ATXN7: variants seen among roughly 807,000 people sequenced by gnomAD.
ATXN7 encodes ataxin 7.
A neutral mutation model predicts 70.5 loss-of-function variants in ATXN7; 12 were observed. The observed-to-expected ratio is 0.17, with a 90% CI of 0.11 to 0.28. ATXN7 has a LOEUF of 0.28. Ranked by LOEUF, ATXN7 falls within the 10% of genes least tolerant of loss-of-function variation. The probability of loss-of-function intolerance (pLI) is 1.00; values close to 1 mark genes in which losing one functional copy is unlikely to be tolerated. For synonymous variants in ATXN7, 498 were observed against 448.7 expected, an observed-to-expected ratio of 1.11 and a Z score of -1.39; for missense variants, 1,256 against 1,131.7, an observed-to-expected ratio of 1.11 and a Z score of -1.58.
chr3:63,996,538 C>T (rs1157444061), intron 12 of ATXN7, 55 bp downstream of exon 12: 1 of 1,447,668 alleles, frequency 6.9e-7, no homozygotes, highest in Non-Finnish European at 9.3e-7. Flanking sequence ...CCCTTAAGAT[C>T]TTTTGTCAGC....
intron 5 of ATXN7, among the ~76,000 whole-genome samples, chr3:63,977,306 A>T (rs921605510): frequency 2.0e-5 from 3 of 152,204 alleles, no homozygotes; most frequent in African/African-American, 7.2e-5. Flanking sequence ...AGCAGAACTG[A>T]GGGTATTTAA....
intron 4 of ATXN7, among the ~76,000 whole-genome samples, chr3:63,937,545 A>G (rs2074684063): frequency 1.3e-5 from 2 of 152,224 alleles, no homozygotes; most frequent in Non-Finnish European, 2.9e-5. Context: ...ACTTACGTGA[A>G]TAGTTTTACA....
intron 5 of ATXN7, among the ~76,000 whole-genome samples, chr3:63,967,387 CTTTT>C (rs1184375661): frequency 6.6e-6 from 1 of 151,958 alleles, no homozygotes; most frequent in Non-Finnish European, 1.5e-5. Flanking sequence ...GAATAATAAA[CTTTT>C]TTTGAAAAGC....
intron 1 of ATXN7, among the ~76,000 whole-genome samples, chr3:63,891,270 A>C (rs1478925722): frequency 6.6e-6 from 1 of 151,912 alleles, no homozygotes; most frequent in African/African-American, 2.4e-5. Flanking sequence ...CAGCCTCCCA[A>C]AGTGCTGGGA....
rs746231323 is a variant in ATXN7 at position 63,982,346 on chromosome 3, C to A, written c.913C>A (p.Gln305Lys). 5.0e-6 allele frequency: 8 copies of A among 1,614,162 alleles called. No homozygotes were observed. The Admixed American group carries it at 1.3e-4, about 27-fold the overall frequency. The change falls in exon 7 of 13, where the codon CAG becomes AAG. Residue 305 changes from glutamine to lysine, a missense_variant. Gln to Lys is a moderately conservative substitution (Grantham distance 53). Transcript: ENST00000674280. The stretch of plus-strand genomic sequence containing the variant: ...AAAGCCAACCTTGCCTTCACCTGGA[C>A]AGATTCTGAATGGCAAAGGGCTTCC... ...IPKPTLPSPGQILNGKGLPAP... is the reference protein window; with the variant it reads ...IPKPTLPSPGKILNGKGLPAP...
chr3:63,891,904 CATT>C (rs1233926913), intron 1 of ATXN7, among the ~76,000 whole-genome samples: 1 of 152,170 alleles, frequency 6.6e-6, no homozygotes, highest in Non-Finnish European at 1.5e-5. Context: ...ACTGTACGAG[CATT>C]ATTAATGAAA....
At chr3:63,883,661 G>A (rs1367788490) in intron 1 of ATXN7, among the ~76,000 whole-genome samples, 3 of 152,034 alleles carry the variant, frequency 2.0e-5, no homozygotes, top group African/African-American at 7.3e-5. Flanking sequence ...ACTGCCATAA[G>A]TCATCACGAG....
intron 5 of ATXN7, among the ~76,000 whole-genome samples, chr3:63,976,309 A>G (rs767440932): frequency 3.3e-5 from 5 of 152,210 alleles, no homozygotes; most frequent in Admixed American, 6.5e-5. Flanking sequence ...GGAAAGCCAG[A>G]TGCTGTCCTT....
chr3:63,954,697 GTGTTTTTTTTTT>G (rs1412884113), intron 5 of ATXN7, among the ~76,000 whole-genome samples: 3 of 144,558 alleles, frequency 2.1e-5, no homozygotes, highest in Non-Finnish European at 4.5e-5. Context: ...GTAGGAAAAA[GTGTTTTTTTTTT>G]TGTTTTTTTT....
chr3:63,904,197 A>C (rs1703750734), intron 2 of ATXN7: 2 of 151,860 alleles, frequency 1.3e-5, no homozygotes, highest in African/African-American at 4.8e-5. Context: ...ATAATATGTG[A>C]CCTATTTGTC....
chr3:63,903,130 C>T (rs1703707451), intron 2 of ATXN7, among the ~76,000 whole-genome samples: 1 of 152,006 alleles, frequency 6.6e-6, no homozygotes, highest in Non-Finnish European at 1.5e-5. Flanking sequence ...CACGGTGGCT[C>T]ACGCCTGTAA....
chr3:63,982,429 A>G lies in ATXN7; in HGVS notation c.996A>G (p.Leu332=). 3.1e-6 allele frequency: 5 copies of G among 1,607,248 alleles called. No individual in the cohort carries two copies. The highest frequency in any genetic ancestry group is 1.7e-4 in the Middle Eastern group (1 of 6,052). ...ACAATTCCAATAATAGGAAATTTTTAAATAAGAGATTATCAGGTAACTTCA... is the reference window on the plus strand; with the variant it reads ...ACAATTCCAATAATAGGAAATTTTTGAATAAGAGATTATCAGGTAACTTCA... The part of the protein sequence containing the change: ...PEDNSNNRKF[L]NKRLSEREFD... Residue 332 remains leucine (L), a synonymous_variant, in exon 7 of 13, where the codon TTA becomes TTG. Transcript: ENST00000674280.
intron 4 of ATXN7, among the ~76,000 whole-genome samples, chr3:63,915,921 G>C (rs895502501): frequency 6.6e-6 from 1 of 151,918 alleles, no homozygotes; most frequent in Non-Finnish European, 1.5e-5. Flanking sequence ...CCTGACCTCA[G>C]GTGATCCACC....
intron 4 of ATXN7, among the ~76,000 whole-genome samples, chr3:63,939,602 G>C (rs2074721047): frequency 1.3e-5 from 2 of 152,182 alleles, no homozygotes. Context: ...AAATCAACTT[G>C]TTTAGAATTG....
At chr3:63,924,533 C>G (rs1704639717) in intron 4 of ATXN7, among the ~76,000 whole-genome samples, 1 of 152,072 alleles carries the variant, frequency 6.6e-6, no homozygotes, top group Non-Finnish European at 1.5e-5. Flanking sequence ...GAGGACTCTT[C>G]AGTGAGGCAG....
At chr3:63,895,108 G>A (rs536196222) in intron 1 of ATXN7, among the ~76,000 whole-genome samples, 4 of 152,284 alleles carry the variant, frequency 2.6e-5, no homozygotes, top group African/African-American at 4.8e-5. Flanking sequence ...AAAGCTTGGC[G>A]ATTTTGCCTA....
rs571213745 is a variant in ATXN7, at chr3:63,959,001, T to A, written c.499+6518T>A. Reference sequence around the variant, plus strand: ...ACAGATGTTCTAGCTGAAGTAGAATTTTAAGTTTGCTTCAAGAAGCTGGAT... The same window carrying A: ...ACAGATGTTCTAGCTGAAGTAGAATATTAAGTTTGCTTCAAGAAGCTGGAT... On this transcript the variant is annotated intron_variant, in intron 5 of 12. Transcript: ENST00000674280. Among the ~76,000 whole-genome samples the A allele has an allele frequency of 4.6e-5, 7 of 152,334 alleles. No homozygotes were observed. The South Asian group carries it at 1.4e-3, about 32-fold the overall frequency.
rs2075827670 is a variant in ATXN7, at chr3:64,001,001, C to CGT, written c.*1535_*1536dup. The CGT allele has an allele frequency of 6.6e-6, 1 of 152,002 alleles. No homozygotes were observed. The highest frequency in any genetic ancestry group is 1.5e-5 in the Non-Finnish European group (1 of 68,028). 9.4% of individuals were successfully genotyped at this position (152,002 alleles called of 1,614,324 possible). A position where few individuals can be genotyped will look rare whatever the true frequency, so the allele number is the denominator to read the frequency against. On this transcript the variant is annotated 3_prime_UTR_variant, in exon 13 of 13. Transcript: ENST00000674280. ...AGGGTAAAATTTCCAAGGCGCTGATCGTTGCCCTGGCCAGGGCCTGATGAG... is the reference window on the plus strand; with the variant it reads ...AGGGTAAAATTTCCAAGGCGCTGATCGTGTTGCCCTGGCCAGGGCCTGATGAG...
chr3:63,902,392 G>C (rs1219961012), intron 2 of ATXN7, among the ~76,000 whole-genome samples: 1 of 152,150 alleles, frequency 6.6e-6, no homozygotes, highest in African/African-American at 2.4e-5. Context: ...TTGAGCCTGG[G>C]CAACAGAGCG....
Sources: allele counts gnomAD v4.1 joint callset (sites outside exome capture counted in the v4.1 genomes callset), GRCh38; gene constraint gnomAD v4.1.1; transcripts MANE v1.5; gene names NCBI Gene and HGNC (gene_info 2026-07-23, HGNC 2026-07-21).